The following GLIS3 variants were observed in gnomAD, a reference collection of about 807,000 sequenced individuals.
The protein encoded by GLIS3 is GLIS family zinc finger 3, also known as zinc finger protein GLIS3.
Under a neutral mutation model 78.6 loss-of-function variants are expected in GLIS3, and 53 were observed. That is an observed-to-expected ratio of 0.67 (90% CI 0.54 to 0.85). The LOEUF is 0.85. Among genes scored for constraint, GLIS3 ranks in the 40% least tolerant of loss-of-function variants. The probability of loss-of-function intolerance (pLI) is 0.00; values close to 1 mark genes in which losing one functional copy is unlikely to be tolerated. For missense variants in GLIS3, 1,703 were observed against 1,231.1 expected (o/e 1.38, Z -5.74); for synonymous variants, 684 against 509.9 (o/e 1.34, Z -4.60).
intron 9 of GLIS3, among the ~76,000 whole-genome samples, chr9:3,833,244 C>A (rs1563758410): frequency 1.3e-5 from 2 of 152,114 alleles, no homozygotes; most frequent in Non-Finnish European, 2.9e-5. Context: ...AAAAGAAAAT[C>A]CTCTTTATTA....
chr9:4,250,295 T>G (rs946747974), intron 2 of GLIS3, among the ~76,000 whole-genome samples: 1 of 152,172 alleles, frequency 6.6e-6, no homozygotes, highest in African/African-American at 2.4e-5. Context: ...ATTTCAGAAT[T>G]TGTTATTGAC....
intron 4 of GLIS3, among the ~76,000 whole-genome samples, chr9:4,104,139 A>G (rs4741891): frequency 0.19 from 29,465 of 151,994 alleles, 3,238 homozygotes; most frequent in Admixed American, 0.28. Flanking sequence ...GGTCCCAAAA[A>G]TGGCATCAGT....
intron 7 of GLIS3, among the ~76,000 whole-genome samples, chr9:3,896,011 A>ATAAC (rs1269894479): frequency 6.6e-6 from 1 of 152,264 alleles, no homozygotes; most frequent in Non-Finnish European, 1.5e-5. Flanking sequence ...ATAAAAGGGA[A>ATAAC]TAACTCCAAG....
chr9:3,989,368 T>C (rs548920644), intron 4 of GLIS3, among the ~76,000 whole-genome samples: 2 of 152,194 alleles, frequency 1.3e-5, no homozygotes, highest in Admixed American at 6.5e-5. Context: ...AATTACCATA[T>C]GACCCAGTAA....
At chr9:4,134,498 C>G (rs1009545412) in intron 2 of GLIS3, among the ~76,000 whole-genome samples, 1 of 152,128 alleles carries the variant, frequency 6.6e-6, no homozygotes, top group African/African-American at 2.4e-5. Flanking sequence ...ACCTCTTAGC[C>G]TTAGTTTCTT....
At position 4,286,194 on chromosome 9, in the gene GLIS3, G is replaced by T; in HGVS notation, c.232C>A (p.Arg78Ser). 6.2e-7 allele frequency: 1 copy of T among 1,614,194 alleles called. No homozygotes were observed. Among genetic ancestry groups the T allele is most frequent in the Non-Finnish European group, 8.5e-7 (1 of 1,180,046 alleles). The change falls in exon 2 of 11, where the codon CGC (arginine) becomes AGC (serine). Residue 78 changes from arginine (R) to serine (S), a missense_variant. Physicochemically the swap from Arg to Ser is moderately radical, Grantham distance 110. Transcript: ENST00000381971. ...GGGCTTAAGGCAGGCAGATGGATGC[G>T]GCTCTCAGCCACGTTGTTCTGAGGA... ...MAPQNNVAESRIHLPALSPRR... is the reference protein window; with the variant it reads ...MAPQNNVAESSIHLPALSPRR...
At chr9:4,281,312 T>C (rs1231363323) in intron 2 of GLIS3, among the ~76,000 whole-genome samples, 1 of 152,178 alleles carries the variant, frequency 6.6e-6, no homozygotes, top group East Asian at 1.9e-4. Context: ...TCTTAATCAT[T>C]TGTAAGTATA....
At chr9:3,893,799 G>C (rs2130565165) in intron 7 of GLIS3, among the ~76,000 whole-genome samples, 1 of 152,314 alleles carries the variant, frequency 6.6e-6, no homozygotes, top group African/African-American at 2.4e-5. Flanking sequence ...CAGACCTTCT[G>C]AATCAGAAAC....
chr9:3,829,418 A>T lies in GLIS3; in HGVS notation c.2548T>A (p.Ser850Thr). The T allele has an allele frequency of 6.2e-7, 1 of 1,614,122 alleles. No individual in the cohort carries two copies. Among genetic ancestry groups the T allele is most frequent in the Non-Finnish European group, 8.5e-7 (1 of 1,180,000 alleles). Residue 850 changes from serine to threonine, a missense_variant, in exon 10 of 11, where the codon TCC becomes ACC. By Grantham distance (58) the Ser-to-Thr change is moderately conservative. Transcript: ENST00000381971. ...DSQRIVPPVS[S>T]CSVVPSFEDC... ...TCAAACGAAGGCACCACACTGCAGG[A>T]GCTGACAGGCGGCACAATTCTCTGG...
intron 6 of GLIS3, among the ~76,000 whole-genome samples, chr9:3,921,733 A>G (rs1824902079): frequency 6.6e-6 from 1 of 152,178 alleles, no homozygotes; most frequent in Non-Finnish European, 1.5e-5. Flanking sequence ...ATTTATGACA[A>G]TTAACTAGTT....
chr9:3,958,487 A>G (rs1013926737), intron 4 of GLIS3, among the ~76,000 whole-genome samples: 8 of 152,200 alleles, frequency 5.3e-5, no homozygotes, highest in Admixed American at 3.9e-4. Flanking sequence ...TGTACCTACA[A>G]ATCTCCGCAT....
intron 2 of GLIS3, among the ~76,000 whole-genome samples, chr9:4,321,294 C>A (rs371105809): frequency 2.3e-5 from 3 of 129,870 alleles, no homozygotes; most frequent in Non-Finnish European, 4.6e-5. Context: ...TGGTGGCGGG[C>A]GCCTGTAGTC....
intron 4 of GLIS3, among the ~76,000 whole-genome samples, chr9:3,991,974 GC>G (rs1293154036): frequency 9.2e-5 from 14 of 152,162 alleles, no homozygotes; most frequent in Non-Finnish European, 1.5e-5. Context: ...ACAGGCATGA[GC>G]CACCCTGCCC....
the GLIS3 span, among the ~76,000 whole-genome samples, chr9:4,396,088 T>C: frequency 6.6e-6 from 1 of 151,720 alleles, no homozygotes; most frequent in Non-Finnish European, 1.5e-5. Context: ...CCATTTTCTA[T>C]TGAATAACAT....
At chr9:4,283,577 A>G (rs1251146331) in intron 2 of GLIS3, among the ~76,000 whole-genome samples, 1 of 152,200 alleles carries the variant, frequency 6.6e-6, no homozygotes, top group Admixed American at 6.5e-5. Flanking sequence ...ACTGTGCTGT[A>G]GTTTAACTGC....
intron 9 of GLIS3, among the ~76,000 whole-genome samples, chr9:3,835,688 A>T (rs774109851): frequency 1.3e-5 from 2 of 152,264 alleles, no homozygotes; most frequent in African/African-American, 4.8e-5. Context: ...AAAGAGGATT[A>T]ACAGAGACCA....
chr9:4,189,208 G>C (rs918502106), intron 2 of GLIS3, among the ~76,000 whole-genome samples: 1 of 151,800 alleles, frequency 6.6e-6, no homozygotes, highest in Non-Finnish European at 1.5e-5. Context: ...CTTTGTTCTC[G>C]TTGGTTTCAA....
At chr9:4,329,682 C>G (rs1056687629) in intron 2 of GLIS3, among the ~76,000 whole-genome samples, 2 of 152,110 alleles carry the variant, frequency 1.3e-5, no homozygotes, top group Non-Finnish European at 2.9e-5. Context: ...TTCATCTAGT[C>G]TGCCCACCCA....
chr9:3,881,411 T>C (rs796276835), intron 7 of GLIS3, among the ~76,000 whole-genome samples: 22 of 152,344 alleles, frequency 1.4e-4, no homozygotes, highest in African/African-American at 4.3e-4. Context: ...AAGGGAAGCA[T>C]TGCCCCTGCT....
Sources: gnomAD v4.1 joint callset for allele counts (sites outside exome capture counted in the v4.1 genomes callset) on GRCh38, gnomAD v4.1.1 for gene constraint, MANE v1.5 for transcripts, NCBI Gene and HGNC (gene_info 2026-07-23, HGNC 2026-07-21) for gene names.